The following PPM1L variants were observed in gnomAD, a reference collection of about 807,000 sequenced individuals.
PPM1L encodes protein phosphatase 1L.
A neutral mutation model predicts 31.4 loss-of-function variants in PPM1L; 13 were observed. The ratio of observed to expected loss-of-function variants is 0.41; its 90% CI spans 0.27 to 0.66. The LOEUF is 0.66. PPM1L is among the 30% of genes least tolerant of loss of function. The probability of loss-of-function intolerance (pLI) is 0.29; values close to 1 mark genes in which losing one functional copy is unlikely to be tolerated. For synonymous variants in PPM1L, 184 were observed against 175.4 expected, an observed-to-expected ratio of 1.05 and a Z score of -0.39; for missense variants, 326 against 453.7, an observed-to-expected ratio of 0.72 and a Z score of 2.56.
At chr3:160,990,384 A>T (rs538490293) in intron 2 of PPM1L, among the ~76,000 whole-genome samples, 24 of 152,334 alleles carry the variant, frequency 1.6e-4, no homozygotes, top group African/African-American at 5.3e-4. Flanking sequence ...ATACATCATG[A>T]TTTAAAAATT....
Position 161,058,118 on chromosome 3 carries a change from CTTTT to C in PPM1L, c.575-7264_575-7261del, listed in dbSNP as rs1186931971. ...TTAGTAGGGTCCATCATTTTCTTTC[CTTTT>C]TTTTTTTTTTTTTTTTTTTTGACGC... On this transcript the variant is annotated intron_variant, in intron 2 of 3. Coordinates refer to ENST00000498165, the MANE Select transcript of PPM1L (RefSeq NM_139245.4). 4.8e-3 allele frequency among the ~76,000 whole-genome samples: 262 copies of C among 54,908 alleles called. 4 individuals are homozygous for C. The highest frequency in any genetic ancestry group is 0.014 in the African/African-American group (227 of 16,786). The allele number at this position is 54,908 out of a possible 152,430, so 36.0% of individuals were successfully genotyped here.
At chr3:160,936,592 A>G (rs186226686) in intron 1 of PPM1L, among the ~76,000 whole-genome samples, 7 of 152,288 alleles carry the variant, frequency 4.6e-5, no homozygotes, top group Non-Finnish European at 7.3e-5. Context: ...TTGTTTCTTA[A>G]TGTACTGTTT....
intron 1 of PPM1L, among the ~76,000 whole-genome samples, chr3:160,928,389 C>T (rs1186682884): frequency 6.6e-6 from 1 of 152,150 alleles, no homozygotes; most frequent in Non-Finnish European, 1.5e-5. Context: ...AGGAGGTGGT[C>T]ACATGATTGA....
rs570087328 is a variant in PPM1L at position 160,772,400 on chromosome 3, C to T, written c.399+15693C>T. ...TTTCCTCTCAAAAATAGGATGGCAA[C>T]AGGAGTGCTTGGCTGGTGTTCCTCC... On this transcript the variant is annotated intron_variant, in intron 1 of 3. Transcript: ENST00000498165. Among the ~76,000 whole-genome samples, 6 of 152,306 alleles carry T rather than the reference C, an allele frequency of 3.9e-5. No individual in the cohort carries two copies. In the South Asian group the frequency reaches 1.2e-3, roughly 32 times the overall value.
intron 1 of PPM1L, among the ~76,000 whole-genome samples, chr3:160,930,233 G>T (rs1714739084): frequency 6.6e-6 from 1 of 151,696 alleles, no homozygotes; most frequent in Non-Finnish European, 1.5e-5. Context: ...CTTGGTATCT[G>T]TGTTGAAATT....
intron 1 of PPM1L, among the ~76,000 whole-genome samples, chr3:160,914,620 C>A (rs1201551847): frequency 1.3e-5 from 2 of 152,058 alleles, no homozygotes; most frequent in Admixed American, 1.3e-4. Context: ...GACATGAACT[C>A]ATCATTTTTT....
intron 1 of PPM1L, among the ~76,000 whole-genome samples, chr3:160,894,730 A>T (rs1713276187): frequency 6.6e-6 from 1 of 152,164 alleles, no homozygotes; most frequent in Non-Finnish European, 1.5e-5. Context: ...ATCACAAAAC[A>T]TGCTTGTTTT....
chr3:160,893,431 G>A (rs891324673), intron 1 of PPM1L, among the ~76,000 whole-genome samples: 2 of 152,038 alleles, frequency 1.3e-5, no homozygotes, highest in Non-Finnish European at 2.9e-5. Context: ...AATATCCCTG[G>A]GACATAAACC....
chr3:160,866,608 A>G (rs1290585230), intron 1 of PPM1L, among the ~76,000 whole-genome samples: 1 of 152,248 alleles, frequency 6.6e-6, no homozygotes, highest in Non-Finnish European at 1.5e-5. Context: ...TTTTCAGCTT[A>G]GAACCACTTT....
intron 1 of PPM1L, among the ~76,000 whole-genome samples, chr3:160,857,963 T>G (rs1045304643): frequency 3.0e-4 from 46 of 152,242 alleles, no homozygotes; most frequent in African/African-American, 1.1e-3. Flanking sequence ...TGTCCTGTCA[T>G]GACTCTTTTG....
intron 1 of PPM1L, among the ~76,000 whole-genome samples, chr3:160,807,748 A>AT (rs1464259004): frequency 6.6e-6 from 1 of 152,048 alleles, no homozygotes. Context: ...ACATTTATGA[A>AT]TTGGGATTGC....
At chr3:160,946,312 C>T (rs1466806761) in intron 1 of PPM1L, among the ~76,000 whole-genome samples, 5 of 152,094 alleles carry the variant, frequency 3.3e-5, no homozygotes, top group African/African-American at 4.8e-5. Context: ...ATAATCATAC[C>T]TACCTTGCAG....
intron 2 of PPM1L, among the ~76,000 whole-genome samples, chr3:161,021,863 T>C (rs542383537): frequency 6.6e-6 from 1 of 152,184 alleles, no homozygotes; most frequent in African/African-American, 2.4e-5. Flanking sequence ...ATAGCATACT[T>C]TACTCTTTAC....
intron 2 of PPM1L, among the ~76,000 whole-genome samples, chr3:161,006,429 A>AT (rs763458843): frequency 4.6e-4 from 70 of 152,206 alleles, no homozygotes; most frequent in Non-Finnish European, 8.1e-4. Flanking sequence ...AAGATCTGTT[A>AT]TACAACCATG....
At chr3:161,036,583 T>C (rs1189098069) in intron 2 of PPM1L, among the ~76,000 whole-genome samples, 1 of 152,222 alleles carries the variant, frequency 6.6e-6, no homozygotes, top group African/African-American at 2.4e-5. Context: ...TTGGTAAATT[T>C]TATGTCTGTA....
intron 2 of PPM1L, among the ~76,000 whole-genome samples, chr3:160,971,649 T>C (rs770689339): frequency 7.9e-5 from 12 of 152,154 alleles, no homozygotes; most frequent in Non-Finnish European, 1.3e-4. Flanking sequence ...GCCAGTTGCG[T>C]TTTTAAAGAC....
chr3:160,861,826 A>G (rs752318311), intron 1 of PPM1L, among the ~76,000 whole-genome samples: 4 of 152,114 alleles, frequency 2.6e-5, no homozygotes, highest in African/African-American at 4.8e-5. Context: ...TCCAGCTTCT[A>G]GAGACTGGCC....
In PPM1L at chr3:161,073,546, T is replaced by G. The variant is rs935350691; in HGVS notation, c.*4389T>G. 6.6e-6 allele frequency: 1 copy of G among 151,636 alleles called. No homozygotes were observed. Among genetic ancestry groups the G allele is most frequent in the African/African-American group, 2.4e-5 (1 of 41,116 alleles). The allele number at this position is 151,636 out of a possible 1,614,324, so 9.4% of individuals were successfully genotyped here. ...ATATTGATAGCAGAACAATCCTACT[T>G]AAAGCTCTAAACATCATCCCCCCCT... On this transcript the variant is annotated 3_prime_UTR_variant, in exon 4 of 4. Transcript: ENST00000498165.
At chr3:160,793,623 A>G (rs1247234117) in intron 1 of PPM1L, among the ~76,000 whole-genome samples, 1 of 152,216 alleles carries the variant, frequency 6.6e-6, no homozygotes, top group Admixed American at 6.5e-5. Flanking sequence ...TCCATGAAAT[A>G]TAATTCTTCC....
Sources: gnomAD v4.1 joint callset for allele counts (sites outside exome capture counted in the v4.1 genomes callset) on GRCh38, gnomAD v4.1.1 for gene constraint, MANE v1.5 for transcripts, NCBI Gene and HGNC (gene_info 2026-07-23, HGNC 2026-07-21) for gene names.